GPR176: variants seen among roughly 807,000 people sequenced by gnomAD.
GPR176 encodes G protein-coupled receptor 176.
GPR176 carries 26 observed loss-of-function variants against 35.4 expected under a neutral mutation model. The ratio of observed to expected loss-of-function variants is 0.74; its 90% CI spans 0.54 to 1.02. The LOEUF is 1.02. Ranked by LOEUF, GPR176 falls within the 50% of genes least tolerant of loss-of-function variation. The pLI, the probability that GPR176 is intolerant of heterozygous loss-of-function variation, is 0.00. For missense variants in GPR176, 597 were observed against 665.3 expected, an observed-to-expected ratio of 0.90 and a Z score of 1.13; for synonymous variants, 278 against 271.3, an observed-to-expected ratio of 1.02 and a Z score of -0.24.
chr15:39,854,163 T>C (rs867417480), intron 1 of GPR176, among the ~76,000 whole-genome samples: 6 of 152,094 alleles, frequency 3.9e-5, no homozygotes, highest in African/African-American at 1.4e-4. Context: ...AGAGCAAGAC[T>C]TTCCTGAGTT....
At chr15:39,886,778 T>C (rs1421414407) in intron 1 of GPR176, among the ~76,000 whole-genome samples, 1 of 152,230 alleles carries the variant, frequency 6.6e-6, no homozygotes, top group Non-Finnish European at 1.5e-5. Context: ...TCAACTGTAA[T>C]GACAGACCTG....
intron 1 of GPR176, among the ~76,000 whole-genome samples, chr15:39,876,866 GAGAGAC>G (rs941118484): frequency 1.4e-4 from 22 of 151,746 alleles, no homozygotes; most frequent in Middle Eastern, 3.2e-3. Flanking sequence ...GAGAGAGAAA[GAGAGAC>G]AGAGACAGAG....
intron 1 of GPR176, among the ~76,000 whole-genome samples, chr15:39,877,028 G>C (rs1300975581): frequency 6.6e-6 from 1 of 152,136 alleles, no homozygotes; most frequent in Non-Finnish European, 1.5e-5. Context: ...GAGCTTGGCT[G>C]CCTAATTTGT....
In GPR176 at chr15:39,800,275, A is replaced by C. The variant is rs1898770814; in HGVS notation, c.*857T>G. On this transcript the variant is annotated 3_prime_UTR_variant, in exon 3 of 3. Coordinates refer to ENST00000561100, the MANE Select transcript of GPR176 (RefSeq NM_007223.3). ...CTTTCATGTGAGATCATAGGGAAGA[A>C]AAAAAAACTACAGCGCCATAGGCAT... The C allele has an allele frequency of 6.6e-6, 1 of 152,180 alleles. No homozygotes were observed. The highest frequency in any genetic ancestry group is 2.4e-5 in the African/African-American group (1 of 41,420). 9.4% of individuals were successfully genotyped at this position (152,180 alleles called of 1,614,324 possible). A position where few individuals can be genotyped will look rare whatever the true frequency, so the allele number is the denominator to read the frequency against.
chr15:39,905,773 A>G (rs1005807479), intron 1 of GPR176, among the ~76,000 whole-genome samples: 8 of 151,958 alleles, frequency 5.3e-5, no homozygotes, highest in African/African-American at 1.9e-4. Flanking sequence ...ATGGAAATGT[A>G]GAACATGTTA....
At chr15:39,888,255 G>C (rs2032742109) in intron 1 of GPR176, among the ~76,000 whole-genome samples, 1 of 149,602 alleles carries the variant, frequency 6.7e-6, no homozygotes, top group Non-Finnish European at 1.5e-5. Flanking sequence ...GTTTTTTTGG[G>C]GGGTGAAGGG....
intron 1 of GPR176, among the ~76,000 whole-genome samples, chr15:39,916,332 A>G (rs1368096252): frequency 2.0e-5 from 3 of 152,214 alleles, no homozygotes; most frequent in Non-Finnish European, 4.4e-5. Context: ...ACCTAAAGAT[A>G]TGCCAAGATG....
At chr15:39,884,125 G>A (rs1210729555) in intron 1 of GPR176, among the ~76,000 whole-genome samples, 1 of 152,168 alleles carries the variant, frequency 6.6e-6, no homozygotes, top group Non-Finnish European at 1.5e-5. Context: ...ACCCCTCTGG[G>A]CCCACTCCCT....
At chr15:39,879,215 G>A (rs1457485698) in intron 1 of GPR176, among the ~76,000 whole-genome samples, 2 of 152,186 alleles carry the variant, frequency 1.3e-5, no homozygotes, top group African/African-American at 2.4e-5. Flanking sequence ...GGTCCATAAA[G>A]TAGGTTAGAG....
intron 1 of GPR176, among the ~76,000 whole-genome samples, chr15:39,833,706 T>A (rs186641940): frequency 6.6e-6 from 1 of 152,292 alleles, no homozygotes; most frequent in Admixed American, 6.5e-5. Flanking sequence ...AGTCAGTACA[T>A]TACTGAAGAT....
rs552679478 is a variant in GPR176, at chr15:39,813,385, GTCTT to G, written c.173-6131_173-6128del. On this transcript the variant is annotated intron_variant, in intron 1 of 2. Coordinates refer to ENST00000561100, the MANE Select transcript of GPR176 (RefSeq NM_007223.3). The stretch of plus-strand genomic sequence containing the variant: ...CCCTCTTTTTGGTTGTCTGAAAAAT[GTCTT>G]TCTTTTTTCTTCATTTTTGAAAGAG... 3.3e-5 allele frequency: 5 copies of G among 152,234 alleles called. No homozygotes were observed. The South Asian group carries it at 6.2e-4, about 19-fold the overall frequency. 9.4% of individuals were successfully genotyped at this position (152,234 alleles called of 1,614,324 possible). A position where few individuals can be genotyped will look rare whatever the true frequency, so the allele number is the denominator to read the frequency against.
At chr15:39,839,423 A>G (rs1189335043) in intron 1 of GPR176, among the ~76,000 whole-genome samples, 1 of 152,242 alleles carries the variant, frequency 6.6e-6, no homozygotes, top group African/African-American at 2.4e-5. Context: ...TTGGCTAGCC[A>G]TATGTAGAAA....
intron 1 of GPR176, among the ~76,000 whole-genome samples, chr15:39,875,676 TG>T (rs2032215123): frequency 6.6e-6 from 1 of 152,158 alleles, no homozygotes; most frequent in South Asian, 2.1e-4. Flanking sequence ...ATGTAGGAAA[TG>T]GGGTTTTAGT....
rs982144866 is a variant in GPR176, at chr15:39,918,785, T to C, written c.172+1070A>G. 3.3e-5 allele frequency among the ~76,000 whole-genome samples: 5 copies of C among 152,126 alleles called. No individual in the cohort carries two copies. In the South Asian group the frequency reaches 6.2e-4, roughly 19 times the overall value. ...TAGAGTAAAATGGAATGATGACAAT[T>C]AGAGAAAGTATGAAGGGAAATTCCA... On this transcript the variant is annotated intron_variant, in intron 1 of 2. Transcript: ENST00000561100.
At chr15:39,809,336 C>T (rs1295417672) in intron 1 of GPR176, among the ~76,000 whole-genome samples, 1 of 152,114 alleles carries the variant, frequency 6.6e-6, no homozygotes, top group Non-Finnish European at 1.5e-5. Context: ...AGGATACAAG[C>T]ACCCATACCC....
intron 1 of GPR176, among the ~76,000 whole-genome samples, chr15:39,823,179 T>C (rs891345746): frequency 1.3e-5 from 2 of 152,214 alleles, no homozygotes; most frequent in Non-Finnish European, 2.9e-5. Context: ...GAAATTTTAA[T>C]AACTTTCATG....
rs1455175351 is a variant in GPR176 at position 39,920,004 on chromosome 15, A to C, written c.23T>G (p.Ile8Ser). The C allele has an allele frequency of 2.1e-6, 3 of 1,415,726 alleles. No homozygotes were observed. Among genetic ancestry groups the C allele is most frequent in the Non-Finnish European group, 2.8e-6 (3 of 1,080,790 alleles). 87.7% of individuals were successfully genotyped at this position (1,415,726 alleles called of 1,614,324 possible). A position where few individuals can be genotyped will look rare whatever the true frequency, so the allele number is the denominator to read the frequency against. The change falls in exon 1 of 3, where the codon ATC (isoleucine) becomes AGC (serine). Residue 8 changes from isoleucine (I) to serine (S), a missense_variant. By Grantham distance (142) the Ile-to-Ser change is moderately radical. Transcript: ENST00000561100. MGHNGSW[I>S]SPNASEPHNA... ...GTGCGGCTCGCTGGCATTTGGAGAG[A>C]TCCAGCTCCCGTTATGTCCCATGGC...
At chr15:39,900,025 A>C (rs2033229248) in intron 1 of GPR176, among the ~76,000 whole-genome samples, 1 of 152,186 alleles carries the variant, frequency 6.6e-6, no homozygotes, top group African/African-American at 2.4e-5. Context: ...TATCACTTAG[A>C]GCAATAATGT....
chr15:39,857,385 A>C (rs2031291146), intron 1 of GPR176, among the ~76,000 whole-genome samples: 1 of 152,216 alleles, frequency 6.6e-6, no homozygotes, highest in African/African-American at 2.4e-5. Flanking sequence ...AAGCCTTAAA[A>C]AGGAAATACG....
Sources: allele counts gnomAD v4.1 joint callset (sites outside exome capture counted in the v4.1 genomes callset), GRCh38; gene constraint gnomAD v4.1.1; transcripts MANE v1.5; gene names NCBI Gene and HGNC (gene_info 2026-07-23, HGNC 2026-07-21).